Variants in MELK observed in about 807,000 individuals in gnomAD.
The protein encoded by MELK is pEg3 kinase.
MELK carries 81 observed loss-of-function variants against 85.0 expected under a neutral mutation model. The observed-to-expected ratio is 0.95, with a 90% CI of 0.80 to 1.15. MELK has a LOEUF of 1.15. Among genes scored for constraint, MELK ranks in the 50% most tolerant of loss-of-function variants. The pLI, the probability that MELK is intolerant of heterozygous loss-of-function variation, is 0.00. For missense variants in MELK, 754 were observed against 777.5 expected (o/e 0.97, Z 0.36); for synonymous variants, 252 against 265.0 (o/e 0.95, Z 0.48).
chr9:36,588,660 T>G (rs1347614897), intron 3 of MELK, among the ~76,000 whole-genome samples: 1 of 152,178 alleles, frequency 6.6e-6, no homozygotes, highest in Admixed American at 6.5e-5. Flanking sequence ...ATTATACGCG[T>G]GATCCACTGC....
At chr9:36,664,463 C>T (rs1469295083) in intron 13 of MELK, among the ~76,000 whole-genome samples, 2 of 152,162 alleles carry the variant, frequency 1.3e-5, no homozygotes, top group African/African-American at 4.8e-5. Context: ...TGGGGCACAA[C>T]TTAGCATAGG....
At chr9:36,630,826 G>A (rs893527008) in intron 9 of MELK, among the ~76,000 whole-genome samples, 2 of 152,006 alleles carry the variant, frequency 1.3e-5, no homozygotes, top group Admixed American at 1.3e-4. Context: ...GCTAATTTTT[G>A]TATTTTTAGT....
intron 8 of MELK, among the ~76,000 whole-genome samples, chr9:36,618,136 A>AAG (rs1827032557): frequency 6.6e-6 from 1 of 151,798 alleles, no homozygotes. Context: ...AAAAAAAAAA[A>AAG]AAGGGCCCAG....
chr9:36,630,330 C>G lies in MELK; in HGVS notation c.698C>G (p.Ser233Cys), dbSNP rs1365177589. ...AAATATGATGTTCCCAAGTGGCTCT[C>G]TCCCAGTAGCATTCTGCTTCTTCAA... is the stretch of plus-strand genomic sequence containing the variant. ...RGKYDVPKWL[S>C]PSSILLLQQM... The change falls in exon 9 of 18, where the codon TCT becomes TGT. Residue 233 changes from serine (S) to cysteine (C), a missense_variant. Physicochemically the swap from Ser to Cys is moderately radical, Grantham distance 112. Transcript: ENST00000298048. The G allele has an allele frequency of 6.2e-7, 1 of 1,612,296 alleles. No individual in the cohort carries two copies. Among genetic ancestry groups the G allele is most frequent in the Admixed American group, 1.7e-5 (1 of 60,010 alleles).
At chr9:36,575,005 G>T (rs1331066972) in intron 1 of MELK, among the ~76,000 whole-genome samples, 1 of 151,898 alleles carries the variant, frequency 6.6e-6, no homozygotes, top group Non-Finnish European at 1.5e-5. Flanking sequence ...GCGTGGTGGC[G>T]CACACCTGTA....
rs1488877953 is a variant in MELK at position 36,665,534 on chromosome 9, A to G, written c.1361A>G (p.Lys454Arg). 6.2e-7 allele frequency: 1 copy of G among 1,613,948 alleles called. No homozygotes were observed. The highest frequency in any genetic ancestry group is 1.7e-5 in the Admixed American group (1 of 60,008). Residue 454 changes from lysine to arginine, a missense_variant, in exon 14 of 18, where the codon AAG (lysine) becomes AGG (arginine). By Grantham distance (26) the Lys-to-Arg change is conservative. Coordinates refer to ENST00000298048, the MANE Select transcript of MELK (RefSeq NM_014791.4). ...ACTCCAGTTAATAAGAACCAGCATA[A>G]GAGAGAAATACTCACTACGCCAAAT... is the stretch of plus-strand genomic sequence containing the variant. ...PKTPVNKNQH[K>R]REILTTPNRY...
intron 8 of MELK, among the ~76,000 whole-genome samples, chr9:36,617,602 G>A (rs963768871): frequency 6.6e-6 from 1 of 152,200 alleles, no homozygotes; most frequent in African/African-American, 2.4e-5. Context: ...TTATAGGCAT[G>A]AGCCACTGTG....
At chr9:36,622,969 A>G (rs1303914225) in intron 8 of MELK, among the ~76,000 whole-genome samples, 2 of 152,188 alleles carry the variant, frequency 1.3e-5, no homozygotes, top group East Asian at 3.8e-4. Flanking sequence ...ACAAACACAA[A>G]TTCTTTAAAG....
intron 11 of MELK, among the ~76,000 whole-genome samples, chr9:36,644,757 A>G (rs1432786836): frequency 6.6e-6 from 1 of 152,230 alleles, no homozygotes; most frequent in Non-Finnish European, 1.5e-5. Flanking sequence ...TTTACCCACC[A>G]AAGTAGAGAG....
At chr9:36,576,284 C>T (rs1410127886) in intron 1 of MELK, among the ~76,000 whole-genome samples, 1 of 152,150 alleles carries the variant, frequency 6.6e-6, no homozygotes, top group Non-Finnish European at 1.5e-5. Flanking sequence ...TGTGTTCATG[C>T]AGATTTCGTT....
intron 11 of MELK, among the ~76,000 whole-genome samples, chr9:36,649,975 GCT>G (rs1256271082): frequency 6.6e-6 from 1 of 151,344 alleles, no homozygotes; most frequent in Non-Finnish European, 1.5e-5. Context: ...ACAGAATCTC[GCT>G]CTGTCGCCCA....
At chr9:36,589,380 C>A (rs1050227973) in intron 3 of MELK, among the ~76,000 whole-genome samples, 156 bp from the exon 4 acceptor site, 17 of 152,104 alleles carry the variant, frequency 1.1e-4, no homozygotes, top group Admixed American at 2.0e-4. Context: ...GATTTCCTGA[C>A]CTCATGATCC....
chr9:36,582,010 C>T (rs1307615043), intron 2 of MELK, among the ~76,000 whole-genome samples: 1 of 151,926 alleles, frequency 6.6e-6, no homozygotes, highest in African/African-American at 2.4e-5. Flanking sequence ...CTCTGTCGCC[C>T]AGGCTGGATG....
At chr9:36,609,447 C>CTTTT (rs58390406) in intron 8 of MELK, among the ~76,000 whole-genome samples, 4 of 132,732 alleles carry the variant, frequency 3.0e-5, no homozygotes, top group Admixed American at 7.6e-5. Context: ...CTTTCTTCTT[C>CTTTT]TTTTTTTTTT....
At chr9:36,616,385 C>CTTTTTTTTTTT (rs1564166555) in intron 8 of MELK, among the ~76,000 whole-genome samples, 2 of 120,288 alleles carry the variant, frequency 1.7e-5, no homozygotes, top group African/African-American at 6.9e-5. Flanking sequence ...GCATGTCAAA[C>CTTTTTTTTTTT]TCTTTTTTTT....
intron 9 of MELK, among the ~76,000 whole-genome samples, chr9:36,631,958 C>A (rs892527905): frequency 2.0e-5 from 3 of 152,106 alleles, no homozygotes; most frequent in African/African-American, 7.2e-5. Context: ...CACGGCATCC[C>A]GCCTTTTCCC....
At position 36,621,275 on chromosome 9, in the gene MELK, G is replaced by GAAA. The variant is rs74181196; in HGVS notation, c.667-8984_667-8982dup. 4.4e-3 allele frequency among the ~76,000 whole-genome samples: 143 copies of GAAA among 32,426 alleles called. 23 individuals carry two copies. Among genetic ancestry groups the GAAA allele is most frequent in the Non-Finnish European group, 6.1e-3 (69 of 11,220 alleles). 21.3% of individuals were successfully genotyped at this position (32,426 alleles called of 152,430 possible). On this transcript the variant is annotated intron_variant, in intron 8 of 17. Transcript: ENST00000298048. ...TGACAGAGTGAGACTCTGTCTCAGGGAAAAAAAAAAAAAAAAAAAAAAAAA... is the reference window on the plus strand; with the variant it reads ...TGACAGAGTGAGACTCTGTCTCAGGGAAAAAAAAAAAAAAAAAAAAAAAAAAAA...
intron 8 of MELK, among the ~76,000 whole-genome samples, chr9:36,614,110 T>C (rs1417285999): frequency 6.6e-6 from 1 of 151,468 alleles, no homozygotes; most frequent in Non-Finnish European, 1.5e-5. Flanking sequence ...TTTTTTTTTT[T>C]TTTTGAGACA....
chr9:36,593,038 C>T (rs1400665042), intron 4 of MELK, among the ~76,000 whole-genome samples: 1 of 152,180 alleles, frequency 6.6e-6, no homozygotes, highest in Admixed American at 6.6e-5. Flanking sequence ...GTAAATGACT[C>T]ATACAGTATT....
Sources: gnomAD v4.1 joint callset for allele counts (sites outside exome capture counted in the v4.1 genomes callset) on GRCh38, gnomAD v4.1.1 for gene constraint, MANE v1.5 for transcripts, NCBI Gene and HGNC (gene_info 2026-07-23, HGNC 2026-07-21) for gene names.